The following MAP1B variants were observed in gnomAD, a reference collection of about 807,000 sequenced individuals.
MAP1B encodes microtubule-associated protein 1B.
Under a neutral mutation model 176.1 loss-of-function variants are expected in MAP1B, and 12 were observed. That is an observed-to-expected ratio of 0.07 (90% confidence interval 0.04 to 0.11). MAP1B has a LOEUF of 0.11. Among genes scored for constraint, MAP1B ranks in the 10% least tolerant of loss-of-function variants. MAP1B has a pLI of 1.00. For missense variants in MAP1B, 2,523 were observed against 2,990.5 expected (o/e 0.84, Z 3.65); for synonymous variants, 1,044 against 1,135.0 (o/e 0.92, Z 1.61).
intron 2 of MAP1B, among the ~76,000 whole-genome samples, chr5:72,117,801 G>T (rs1466344): frequency 2.8e-3 from 419 of 152,210 alleles, no homozygotes; most frequent in African/African-American, 9.4e-3. Context: ...CTATGAGTAC[G>T]CTTTACAGGC....
intron 2 of MAP1B, among the ~76,000 whole-genome samples, chr5:72,182,329 T>C (rs1417225710): frequency 2.0e-5 from 3 of 152,344 alleles, no homozygotes; most frequent in African/African-American, 4.8e-5. Flanking sequence ...GGAATCACCA[T>C]GTTTATCCTT....
At chr5:72,143,861 A>T (rs367600412) in intron 2 of MAP1B, among the ~76,000 whole-genome samples, 1 of 147,540 alleles carries the variant, frequency 6.8e-6, no homozygotes, top group South Asian at 2.1e-4. Flanking sequence ...TAATTTATTT[A>T]TTTTTTTTGT....
At chr5:72,134,358 G>C (rs1211333868) in intron 2 of MAP1B, among the ~76,000 whole-genome samples, 1 of 152,146 alleles carries the variant, frequency 6.6e-6, no homozygotes, top group East Asian at 1.9e-4. Context: ...AGAAGGGCTT[G>C]CCTGCACCTC....
rs1438689950 is a variant in MAP1B at position 72,199,150 on chromosome 5, C to T, written c.5795C>T (p.Thr1932Ile). Residue 1932 changes from threonine to isoleucine, a missense_variant, in exon 5 of 7, where the codon ACC (threonine) becomes ATC (isoleucine). Thr to Ile is a moderately conservative substitution (Grantham distance 89). This residue lies in a region of MAP1B where 1,925 missense variants were observed against 2,126.0 expected (regional missense o/e 0.91). Transcript: ENST00000296755. This position sits in a 1 kb window ranked among gnomAD's most constrained non-coding sequence, Gnocchi z 4.2. Reference protein sequence around the residue: ...SYETIGKTTKTPEDGDYSYEI... With the variant: ...SYETIGKTTKIPEDGDYSYEI... ...GAGACCATTGGGAAAACTACCAAGA[C>T]CCCTGAAGATGGTGACTATTCCTAT... 2 of 1,613,994 alleles carry T rather than the reference C, an allele frequency of 1.2e-6. No individual in the cohort carries two copies. The highest frequency in any genetic ancestry group is 1.7e-6 in the Non-Finnish European group (2 of 1,180,038).
At chr5:72,172,971 G>A (rs1746575686) in intron 2 of MAP1B, among the ~76,000 whole-genome samples, 1 of 152,132 alleles carries the variant, frequency 6.6e-6, no homozygotes, top group Non-Finnish European at 1.5e-5. Flanking sequence ...CTTTAGAATA[G>A]CTTATTAGTT....
chr5:72,203,136 C>CTT (rs926727026), intron 5 of MAP1B, among the ~76,000 whole-genome samples: 8 of 152,318 alleles, frequency 5.3e-5, no homozygotes, highest in Admixed American at 2.6e-4. Flanking sequence ...ACTAAGATCA[C>CTT]TTAGCTATGT....
At chr5:72,193,759 A>T in intron 4 of MAP1B, 107 bp from the exon 5 acceptor site, 1 of 1,255,198 alleles carries the variant, frequency 8.0e-7, no homozygotes, top group South Asian at 1.6e-5. Context: ...AACTGGTCCT[A>T]TGTGCATCCT....
chr5:72,172,547 A>G (rs1167507612), intron 2 of MAP1B, among the ~76,000 whole-genome samples: 1 of 152,206 alleles, frequency 6.6e-6, no homozygotes, highest in African/African-American at 2.4e-5. Context: ...ATAATAACAG[A>G]TGAGGGTGAA....
intron 2 of MAP1B, among the ~76,000 whole-genome samples, chr5:72,158,198 T>C (rs1746263902): frequency 6.6e-6 from 1 of 150,898 alleles, no homozygotes; most frequent in Non-Finnish European, 1.5e-5. Context: ...TTAGTAGAGA[T>C]GGGGTTTCAC....
intron 1 of MAP1B, 65 bp downstream of exon 1, chr5:72,107,780 C>T (rs1745129555): frequency 6.4e-7 from 1 of 1,553,218 alleles, no homozygotes; most frequent in South Asian, 1.1e-5. Context: ...CCACCCAGGG[C>T]GCGACGGTCA....
At position 72,131,125 on chromosome 5, in the gene MAP1B, T is replaced by C. The variant is rs184618587; in HGVS notation, c.286+15326T>C. Reference sequence around the variant, plus strand: ...TCAGTCAAGGTGAGGAGACAGACATTGATGAAATAGTCACACAAATTTGTA... The same window carrying C: ...TCAGTCAAGGTGAGGAGACAGACATCGATGAAATAGTCACACAAATTTGTA... On this transcript the variant is annotated intron_variant, in intron 2 of 6. Coordinates refer to ENST00000296755, the MANE Select transcript of MAP1B (RefSeq NM_005909.5). 5.3e-5 allele frequency among the ~76,000 whole-genome samples: 8 copies of C among 152,272 alleles called. No homozygotes were observed. In the East Asian group the frequency reaches 1.5e-3, roughly 29 times the overall value.
intron 2 of MAP1B, among the ~76,000 whole-genome samples, chr5:72,182,343 T>G (rs996623663): frequency 7.2e-5 from 11 of 152,214 alleles, no homozygotes; most frequent in Non-Finnish European, 1.2e-4. Context: ...TATCCTTTTG[T>G]GTCTGGCTTA....
At chr5:72,136,704 C>T (rs922195774) in intron 2 of MAP1B, among the ~76,000 whole-genome samples, 1 of 152,184 alleles carries the variant, frequency 6.6e-6, no homozygotes, top group African/African-American at 2.4e-5. Context: ...CTCCCTTTCC[C>T]TCCAATTAGG....
chr5:72,177,836 A>G (rs556953117), intron 2 of MAP1B, among the ~76,000 whole-genome samples: 1 of 152,272 alleles, frequency 6.6e-6, no homozygotes, highest in East Asian at 1.9e-4. Context: ...GAGGGGTTAG[A>G]GGTTAGAGGT....
At position 72,197,808 on chromosome 5, in the gene MAP1B, A is replaced by G; in HGVS notation, c.4453A>G (p.Ser1485Gly). 1 of 1,614,248 alleles carries G rather than the reference A, an allele frequency of 6.2e-7. No individual in the cohort carries two copies. Among genetic ancestry groups the G allele is most frequent in the East Asian group, 2.2e-5 (1 of 44,882 alleles). Reference protein sequence around the residue: ...EKKTDDVEAMSSQPALALDER... With the variant: ...EKKTDDVEAMGSQPALALDER... ...GAAAACTGATGATGTTGAAGCCATG[A>G]GTTCTCAACCAGCACTGGCTCTGGA... Residue 1485 changes from serine (S) to glycine (G), a missense_variant, in exon 5 of 7, where the codon AGT (serine) becomes GGT (glycine). Coordinates refer to ENST00000296755, the MANE Select transcript of MAP1B (RefSeq NM_005909.5).
intron 2 of MAP1B, among the ~76,000 whole-genome samples, chr5:72,124,302 G>A (rs765275236): frequency 3.9e-5 from 6 of 152,140 alleles, no homozygotes; most frequent in East Asian, 1.9e-4. Context: ...CTGGGGAAGC[G>A]CACTTAGTGC....
Position 72,198,639 on chromosome 5 carries a change from T to C in MAP1B, c.5284T>C (p.Tyr1762His). 1 of 1,614,184 alleles carries C rather than the reference T, an allele frequency of 6.2e-7. No homozygotes were observed. The highest frequency in any genetic ancestry group is 2.2e-5 in the East Asian group (1 of 44,888). The change falls in exon 5 of 7, where the codon TAT becomes CAT. Residue 1762 changes from tyrosine to histidine, a missense_variant. Tyr to His is a moderately conservative substitution (Grantham distance 83). Around this residue, in one of 4 missense-constraint regions of MAP1B, gnomAD observed 1,925 missense variants for 2,126.0 expected, o/e 0.91. Coordinates refer to ENST00000296755, the MANE Select transcript of MAP1B (RefSeq NM_005909.5). ...TGCTCCTCCCAGAGATATGTCCTTA[T>C]ATGCCTCACTCACCTCTGAAAAAGT... is the stretch of plus-strand genomic sequence containing the variant. ...DVAPPRDMSL[Y>H]ASLTSEKVQS...
intron 1 of MAP1B, among the ~76,000 whole-genome samples, chr5:72,113,583 C>A (rs777195591): frequency 4.6e-5 from 7 of 152,144 alleles, no homozygotes; most frequent in Non-Finnish European, 7.4e-5. Context: ...CTGCAGATAA[C>A]CCTGGATGAA....
intron 2 of MAP1B, among the ~76,000 whole-genome samples, chr5:72,117,083 A>G (rs936571489): frequency 6.6e-6 from 1 of 152,042 alleles, no homozygotes; most frequent in African/African-American, 2.4e-5. Context: ...GCTTAGCAAG[A>G]AATGGTTTAT....
Sources: allele counts gnomAD v4.1 joint callset (sites outside exome capture counted in the v4.1 genomes callset), GRCh38; gene constraint gnomAD v4.1.1; regional missense constraint gnomAD v4.1.1; non-coding constraint Gnocchi (gnomAD v3.1); transcripts MANE v1.5; gene names NCBI Gene and HGNC (gene_info 2026-07-23, HGNC 2026-07-21).